SUZ12: variants seen among roughly 807,000 people sequenced by gnomAD.
The protein encoded by SUZ12 is polycomb protein SUZ12.
A neutral mutation model predicts 87.3 loss-of-function variants in SUZ12; 17 were observed. The ratio of observed to expected loss-of-function variants is 0.19; its 90% CI spans 0.13 to 0.29. The LOEUF is 0.29. Among genes scored for constraint, SUZ12 ranks in the 10% least tolerant of loss-of-function variants. SUZ12 has a pLI of 1.00. For missense variants in SUZ12, 526 were observed against 912.2 expected, an observed-to-expected ratio of 0.58 and a Z score of 5.45; for synonymous variants, 253 against 312.4, an observed-to-expected ratio of 0.81 and a Z score of 2.01.
chr17:31,963,289 C>T lies in SUZ12; in HGVS notation c.456-2858C>T, dbSNP rs868130405. Among the ~76,000 whole-genome samples, 745 of 152,118 alleles carry T rather than the reference C, an allele frequency of 4.9e-3. 3 individuals are homozygous for T. The highest frequency in any genetic ancestry group is 0.017 in the African/African-American group (688 of 41,462). The stretch of plus-strand genomic sequence containing the variant: ...CCTCCTGAGTAGCTGGGACTACAGG[C>T]GCATGCCACAACGCCTGGCTAATTT... On this transcript the variant is annotated intron_variant, in intron 4 of 15. Transcript: ENST00000322652.
rs544935495 is a variant in SUZ12 at position 31,970,931 on chromosome 17, TTAAA to T, written c.506-2212_506-2209del. On this transcript the variant is annotated intron_variant, in intron 5 of 15. Coordinates refer to ENST00000322652, the MANE Select transcript of SUZ12 (RefSeq NM_015355.4). ...TTGAAGCTATTTGATGAATTAGTGA[TTAAA>T]TATTCAGTTATGAACTGTTAATACC... is the stretch of plus-strand genomic sequence containing the variant. Among the ~76,000 whole-genome samples the T allele has an allele frequency of 4.0e-3, 610 of 152,350 alleles. 7 individuals are homozygous for T. The highest frequency in any genetic ancestry group is 0.013 in the African/African-American group (542 of 41,574).
At chr17:31,997,929 T>C (rs1339655860) in intron 15 of SUZ12, among the ~76,000 whole-genome samples, 3 of 152,106 alleles carry the variant, frequency 2.0e-5, no homozygotes, top group Non-Finnish European at 4.4e-5. Flanking sequence ...TTGTTTCTTA[T>C]TCCTTTGTGG....
chr17:31,990,275 AC>A (rs2142208393), intron 10 of SUZ12, among the ~76,000 whole-genome samples: 1 of 147,922 alleles, frequency 6.8e-6, no homozygotes, highest in South Asian at 2.2e-4. Flanking sequence ...GCCCAGACTA[AC>A]TTTTTTTGTA....
At chr17:31,942,099 G>T (rs1225153868) in intron 3 of SUZ12, among the ~76,000 whole-genome samples, 3 of 152,154 alleles carry the variant, frequency 2.0e-5, no homozygotes, top group Non-Finnish European at 2.9e-5. Context: ...AGATCTTCCC[G>T]CCTTGGCCTC....
chr17:31,992,247 GTGCCAC>G (rs989036551), intron 10 of SUZ12, among the ~76,000 whole-genome samples: 1 of 151,858 alleles, frequency 6.6e-6, no homozygotes, highest in African/African-American at 2.4e-5. Flanking sequence ...AGCTGAGATT[GTGCCAC>G]TGCACGCCAG....
rs1238024817 is a variant in SUZ12, at chr17:31,937,158, C to T, written c.-89C>T. ...TCCTTCCCCCCTCGGTCCGCCGGAG[C>T]CTGCTGGGGCGAGCGGTTGGTATTG... On this transcript the variant is annotated 5_prime_UTR_variant, in exon 1 of 16. Transcript: ENST00000322652. The T allele has an allele frequency of 5.1e-6, 6 of 1,173,812 alleles. No homozygotes were observed. The highest frequency in any genetic ancestry group is 6.0e-4 in the Middle Eastern group (2 of 3,312). 72.7% of individuals were successfully genotyped at this position (1,173,812 alleles called of 1,614,324 possible).
chr17:31,992,505 A>G (rs1909771139), intron 10 of SUZ12, among the ~76,000 whole-genome samples: 1 of 151,512 alleles, frequency 6.6e-6, no homozygotes, highest in Non-Finnish European at 1.5e-5. Flanking sequence ...TGCCTCCCAG[A>G]TTCACGCCAT....
At chr17:31,980,011 TAGAGAGAG>T (rs55882925) in intron 8 of SUZ12, among the ~76,000 whole-genome samples, 23 of 146,044 alleles carry the variant, frequency 1.6e-4, no homozygotes, top group South Asian at 4.4e-4. Context: ...TATATATGTA[TAGAGAGAG>T]AGAGAGAGAG....
chr17:31,994,508 A>G, intron 12 of SUZ12, 56 bp from the exon 13 acceptor site: 1 of 1,399,406 alleles, frequency 7.1e-7, no homozygotes, highest in Non-Finnish European at 9.4e-7. Flanking sequence ...ATTAAATTGG[A>G]GGGATATTTA....
At chr17:31,957,815 G>A (rs1400793418) in intron 4 of SUZ12, among the ~76,000 whole-genome samples, 1 of 151,052 alleles carries the variant, frequency 6.6e-6, no homozygotes, top group African/African-American at 2.4e-5. Context: ...CAAAGTGCTG[G>A]ATTACAGGTG....
At chr17:31,977,291 T>G (rs1908814154) in intron 8 of SUZ12, among the ~76,000 whole-genome samples, 1 of 150,650 alleles carries the variant, frequency 6.6e-6, no homozygotes, top group South Asian at 2.1e-4. Flanking sequence ...TTTTTTTTTT[T>G]TTTTAGAATA....
intron 5 of SUZ12, among the ~76,000 whole-genome samples, chr17:31,971,421 CTTTTTTTTTT>C (rs11383306): frequency 2.6e-5 from 3 of 116,052 alleles, no homozygotes; most frequent in Non-Finnish European, 5.4e-5. Context: ...TCTCCTGCAA[CTTTTTTTTTT>C]TTTTTTTTTT....
chr17:31,979,053 T>C (rs1029953886), intron 8 of SUZ12, among the ~76,000 whole-genome samples: 5 of 145,240 alleles, frequency 3.4e-5, no homozygotes, highest in Non-Finnish European at 7.5e-5. Context: ...TTACAGTGAG[T>C]TGAGATCGCG....
intron 10 of SUZ12, among the ~76,000 whole-genome samples, chr17:31,992,849 T>A (rs1909791473): frequency 6.6e-6 from 1 of 152,066 alleles, no homozygotes; most frequent in East Asian, 1.9e-4. Context: ...GGATTGCAGG[T>A]GCCCGCCACC....
chr17:31,964,655 C>T (rs1013208339), intron 4 of SUZ12, among the ~76,000 whole-genome samples: 75 of 152,168 alleles, frequency 4.9e-4, no homozygotes, highest in African/African-American at 1.6e-3. Flanking sequence ...TCCCCTGCCT[C>T]GGCCTCCCAA....
rs534306168 is a variant in SUZ12 at position 31,940,302 on chromosome 17, T to C, written c.291T>C (p.Tyr97=). 376 of 1,613,572 alleles carry C rather than the reference T, an allele frequency of 2.3e-4. 2 individuals carry two copies. The South Asian group carries it at 2.8e-3, about 12-fold the overall frequency. ...ATTACCTAGAGCCAACACAGATCTA[T>C]AGATTTCTTCGAACTCGGAATCTCA... ...LQAFEKPTQI[Y]RFLRTRNLIA... is the part of the protein sequence containing the mutation. Residue 97 remains tyrosine, a synonymous_variant, in exon 2 of 16, where the codon TAT becomes TAC. Transcript: ENST00000322652.
At position 31,937,313 on chromosome 17, in the gene SUZ12, G is replaced by A; in HGVS notation, c.67G>A (p.Gly23Ser). The A allele has an allele frequency of 6.9e-7, 1 of 1,439,844 alleles. No individual in the cohort carries two copies. The highest frequency in any genetic ancestry group is 9.0e-7 in the Non-Finnish European group (1 of 1,105,810). The allele number at this position is 1,439,844 out of a possible 1,614,324, so 89.2% of individuals were successfully genotyped here. A position where few individuals can be genotyped will look rare whatever the true frequency, so the allele number is the denominator to read the frequency against. ...GSGPSAGSGG[G>S]GFGGSAAVAA... ...GGGGCCCAGCGCGGGGTCCGGGGGA[G>A]GCGGCTTCGGGGGTTCGGCGGCGGT... Residue 23 changes from glycine to serine, a missense_variant, in exon 1 of 16, where the codon GGC becomes AGC. Physicochemically the swap from Gly to Ser is moderately conservative, Grantham distance 56. This residue lies in a region of SUZ12 where 92 missense variants were observed against 109.9 expected (regional missense o/e 0.84). Transcript: ENST00000322652.
At chr17:31,949,141 A>G (rs1485564286) in intron 4 of SUZ12, among the ~76,000 whole-genome samples, 1 of 152,178 alleles carries the variant, frequency 6.6e-6, no homozygotes, top group Non-Finnish European at 1.5e-5. Flanking sequence ...GTTTACCTTC[A>G]CTACTAAACC....
intron 3 of SUZ12, among the ~76,000 whole-genome samples, chr17:31,946,930 T>G (rs1212328251): frequency 6.6e-6 from 1 of 152,212 alleles, no homozygotes; most frequent in Non-Finnish European, 1.5e-5. Flanking sequence ...GATGGATCAT[T>G]CCCTAACTTC....
Sources: gnomAD v4.1 joint callset for allele counts (sites outside exome capture counted in the v4.1 genomes callset) on GRCh38, gnomAD v4.1.1 for gene constraint, gnomAD v4.1.1 regional missense constraint, MANE v1.5 for transcripts, NCBI Gene and HGNC (gene_info 2026-07-23, HGNC 2026-07-21) for gene names.